The following PADI4 variants were observed in gnomAD, a reference collection of about 807,000 sequenced individuals.
PADI4 encodes the protein peptidyl arginine deiminase 4.
Under a neutral mutation model 75.0 loss-of-function variants are expected in PADI4, and 62 were observed. The ratio of observed to expected loss-of-function variants is 0.83; its 90% confidence interval spans 0.67 to 1.02. The LOEUF (loss-of-function observed/expected upper bound fraction) is 1.02. Ranked by LOEUF, PADI4 falls within the 50% of genes least tolerant of loss-of-function variation. The probability of loss-of-function intolerance (pLI) is 0.00; values close to 1 mark genes in which losing one functional copy is unlikely to be tolerated. For synonymous variants in PADI4, 361 were observed against 348.1 expected (o/e 1.04, Z -0.41); for missense variants, 845 against 850.5 (o/e 0.99, Z 0.08).
intron 1 of PADI4, among the ~76,000 whole-genome samples, chr1:17,316,795 G>T (rs6673392): frequency 0.17 from 25,282 of 151,500 alleles, 2,390 homozygotes; most frequent in South Asian, 0.29. Flanking sequence ...CGTCTCCCCT[G>T]CCCCGCGCCC....
At position 17,324,168 on chromosome 1, in the gene PADI4, T is replaced by G. The variant is rs1278207853; in HGVS notation, c.93-6801T>G. ...TGGGTTTTTTTTGTTTTTTTTTTTT[T>G]GCAAAATGGTTAATTTCACACTCCA... On this transcript the variant is annotated intron_variant, in intron 1 of 15. Coordinates refer to ENST00000375448, the MANE Select transcript of PADI4 (RefSeq NM_012387.3). Among the ~76,000 whole-genome samples, 30 of 150,764 alleles carry G rather than the reference T, an allele frequency of 2.0e-4. 2 individuals carry two copies. The South Asian group carries it at 4.4e-3, about 22-fold the overall frequency.
chr1:17,333,799 TG>T, intron 2 of PADI4, 143 bp from the exon 3 acceptor site: 1 of 601,406 alleles, frequency 1.7e-6, no homozygotes. Flanking sequence ...TCCCATCGGA[TG>T]GGGCCACTCC....
intron 8 of PADI4, among the ~76,000 whole-genome samples, chr1:17,344,520 C>A (rs1291404368): frequency 1.3e-5 from 2 of 152,248 alleles, no homozygotes; most frequent in Non-Finnish European, 1.5e-5. Context: ...CCCCTCCCGT[C>A]ACAGGCCCAG....
At chr1:17,312,460 C>CAAAAA (rs56407736) in intron 1 of PADI4, among the ~76,000 whole-genome samples, 2 of 110,138 alleles carry the variant, frequency 1.8e-5, no homozygotes, top group Non-Finnish European at 3.5e-5. Context: ...AACTCCGCCT[C>CAAAAA]AAAAAAAAAA....
In PADI4 at chr1:17,358,202, C is replaced by T. The variant is rs143753877; in HGVS notation, c.1559-636C>T. On this transcript the variant is annotated intron_variant, in intron 13 of 15. Transcript: ENST00000375448. ...GGTGGAGGTTGCAGTGAGTCAAGAT[C>T]GCACTACTGCACTCCAGCCTGGGCG... Among the ~76,000 whole-genome samples, 386 of 151,560 alleles carry T rather than the reference C, an allele frequency of 2.5e-3. 1 individual carries two copies. The highest frequency in any genetic ancestry group is 8.8e-3 in the African/African-American group (365 of 41,342).
At chr1:17,332,928 ACT>A (rs935192777) in intron 2 of PADI4, among the ~76,000 whole-genome samples, 39 of 152,180 alleles carry the variant, frequency 2.6e-4, no homozygotes, top group African/African-American at 9.2e-4. Context: ...GGCTGTGTGC[ACT>A]CTCTGGATGA....
intron 10 of PADI4, among the ~76,000 whole-genome samples, chr1:17,351,882 G>A (rs1205697189): frequency 6.6e-6 from 1 of 152,158 alleles, no homozygotes; most frequent in South Asian, 2.1e-4. Context: ...GGAGATAGGA[G>A]GTGGTAGAAA....
At chr1:17,339,637 C>G (rs759507491) in intron 5 of PADI4, 51 bp from the exon 6 acceptor site, 5 of 1,605,872 alleles carry the variant, frequency 3.1e-6, no homozygotes, top group Middle Eastern at 1.9e-4. Context: ...TATGGGAAAC[C>G]AGCAGCGGTC....
chr1:17,360,656 GCCTTCCCACGTAGCA>G (rs1043641264), intron 15 of PADI4, among the ~76,000 whole-genome samples: 1 of 152,200 alleles, frequency 6.6e-6, no homozygotes, highest in African/African-American at 2.4e-5. Flanking sequence ...CTACCATGCT[GCCTTCCCACGTAGCA>G]CCTTCCCTGG....
chr1:17,320,308 C>T (rs1417750694), intron 1 of PADI4, among the ~76,000 whole-genome samples: 1 of 152,174 alleles, frequency 6.6e-6, no homozygotes, highest in African/African-American at 2.4e-5. Context: ...CCAATCCAGA[C>T]CCCAAAAGAG....
chr1:17,354,102 T>C (rs1376932139), intron 10 of PADI4, among the ~76,000 whole-genome samples: 1 of 151,108 alleles, frequency 6.6e-6, no homozygotes, highest in African/African-American at 2.4e-5. Context: ...ATACAAAAAT[T>C]AGCTGGGCGT....
chr1:17,312,597 G>A (rs542608654), intron 1 of PADI4, among the ~76,000 whole-genome samples: 38 of 152,130 alleles, frequency 2.5e-4, no homozygotes, highest in Non-Finnish European at 4.3e-4. Context: ...GGTGGGGAGA[G>A]GAATAGTCAC....
At chr1:17,310,534 C>T (rs1007245551) in intron 1 of PADI4, among the ~76,000 whole-genome samples, 14 of 152,228 alleles carry the variant, frequency 9.2e-5, no homozygotes, top group African/African-American at 3.4e-4. Context: ...CTCTCTGTCC[C>T]CAAAGTCAGG....
intron 1 of PADI4, among the ~76,000 whole-genome samples, chr1:17,317,668 T>C (rs2073964334): frequency 6.6e-6 from 1 of 152,216 alleles, no homozygotes; most frequent in Non-Finnish European, 1.5e-5. Flanking sequence ...ATTAGCATCT[T>C]CTTTGGCAGT....
At chr1:17,331,737 G>A (rs1748037) in intron 2 of PADI4, among the ~76,000 whole-genome samples, 4,787 of 152,220 alleles carry the variant, frequency 0.031, 100 homozygotes, top group Non-Finnish European at 0.047. Flanking sequence ...GGCCAACACG[G>A]TGAAACCCCA....
At chr1:17,360,149 G>A (rs1299535199) in intron 15 of PADI4, among the ~76,000 whole-genome samples, 1 of 152,150 alleles carries the variant, frequency 6.6e-6, no homozygotes, top group African/African-American at 2.4e-5. Flanking sequence ...AAATTAGACA[G>A]GTGTCCTGGC....
In PADI4 at chr1:17,339,722, G is replaced by A. The variant is rs775568062; in HGVS notation, c.561G>A (p.Thr187=). 2 of 1,613,950 alleles carry A rather than the reference G, an allele frequency of 1.2e-6. No individual in the cohort carries two copies. The highest frequency in any genetic ancestry group is 1.1e-5 in the South Asian group (1 of 91,058). Residue 187 remains threonine, a synonymous_variant, in exon 6 of 16, where the codon ACG becomes ACA. Transcript: ENST00000375448. ...LQDMSLMTLS[T]KTPKDFFTNH... ...ACATGTCGCTGATGACCCTGAGCAC[G>A]AAGACCCCCAAGGACTTCTTCACAA...
In PADI4 at chr1:17,332,285, C is replaced by T. The variant is rs750162154; in HGVS notation, c.273+1136C>T. 3.9e-5 allele frequency among the ~76,000 whole-genome samples: 6 copies of T among 152,260 alleles called. No individual in the cohort carries two copies. The South Asian group carries it at 8.3e-4, about 21-fold the overall frequency. On this transcript the variant is annotated intron_variant, in intron 2 of 15. Transcript: ENST00000375448. ...TTTTGAGACAAGAGTCTCGCTCTGT[C>T]GCCCAGGCTGGACTGCAGTGGTGCA...
At position 17,308,302 on chromosome 1, in the gene PADI4, T is replaced by C. The variant is rs776068449; in HGVS notation, c.80T>C (p.Leu27Pro). Residue 27 changes from leucine to proline, a missense_variant, in exon 1 of 16, where the codon CTT becomes CCT. By Grantham distance (98) the Leu-to-Pro change is moderately conservative. Transcript: ENST00000375448. The stretch of plus-strand genomic sequence containing the variant: ...TGTGTGCTGGGCACCTTGACTCAGC[T>C]TGACATCTGCAGGTAAGAGGGGGGC... ...AVCVLGTLTQ[L>P]DICSSAPEDC... 6.2e-6 allele frequency: 10 copies of C among 1,613,876 alleles called. No individual in the cohort carries two copies. Among genetic ancestry groups the C allele is most frequent in the Non-Finnish European group, 8.5e-6 (10 of 1,179,810 alleles).
Sources: gnomAD v4.1 joint callset for allele counts (sites outside exome capture counted in the v4.1 genomes callset) on GRCh38, gnomAD v4.1.1 for gene constraint, MANE v1.5 for transcripts, NCBI Gene and HGNC (gene_info 2026-07-23, HGNC 2026-07-21) for gene names.